SH3KBP1: variants seen among roughly 807,000 people sequenced by gnomAD.
SH3KBP1 encodes SH3 domain containing kinase binding protein 1.
In SH3KBP1, 8 loss-of-function variants were observed where a neutral mutation model predicts 50.1. The ratio of observed to expected loss-of-function variants is 0.16; its 90% CI spans 0.09 to 0.29. The LOEUF (loss-of-function observed/expected upper bound fraction) is 0.29. Ranked by LOEUF, SH3KBP1 falls within the 10% of genes least tolerant of loss-of-function variation. SH3KBP1 has a pLI of 1.00. For synonymous variants in SH3KBP1, 227 were observed against 218.6 expected, an observed-to-expected ratio of 1.04 and a Z score of -0.34; for missense variants, 377 against 535.2, an observed-to-expected ratio of 0.70 and a Z score of 2.92.
At chrX:19,745,657 T>C (rs971106207) in intron 3 of SH3KBP1, among the ~76,000 whole-genome samples, 9 of 111,929 alleles carry the variant, frequency 8.0e-5, no homozygotes, top group Non-Finnish European at 1.7e-4. Flanking sequence ...GGGACCCTAG[T>C]GTGCTCACAG....
At chrX:19,695,520 C>T in intron 5 of SH3KBP1, 92 bp downstream of exon 5, 2 of 1,072,070 alleles carry the variant, frequency 1.9e-6, no homozygotes, top group South Asian at 2.0e-5. Context: ...TTACTATAGC[C>T]TCTCGGCATA....
chrX:19,613,405 A>G, intron 8 of SH3KBP1, among the ~76,000 whole-genome samples: 1 of 112,216 alleles, frequency 8.9e-6, no homozygotes, highest in Non-Finnish European at 1.9e-5. Flanking sequence ...AGCAGCATGT[A>G]GATGACGCTT....
At chrX:19,587,213 A>G (rs2147965451) in intron 12 of SH3KBP1, among the ~76,000 whole-genome samples, 1 of 99,274 alleles carries the variant, frequency 1.0e-5, no homozygotes, top group East Asian at 3.1e-4. Context: ...CAAGAGCGAA[A>G]CTCTGCCTCA....
At chrX:19,790,703 C>T (rs1368246785) in intron 2 of SH3KBP1, among the ~76,000 whole-genome samples, 1 of 110,312 alleles carries the variant, frequency 9.1e-6, no homozygotes, top group African/African-American at 3.3e-5. Flanking sequence ...GAAAAGACGT[C>T]ATGGAAGAGA....
intron 6 of SH3KBP1, among the ~76,000 whole-genome samples, chrX:19,680,746 T>C (rs778056738): frequency 8.9e-6 from 1 of 112,332 alleles, no homozygotes; most frequent in East Asian, 2.8e-4. Context: ...AATAACATGA[T>C]AGATCCATAA....
At chrX:19,739,248 T>C (rs892343360) in intron 3 of SH3KBP1, among the ~76,000 whole-genome samples, 2 of 111,429 alleles carry the variant, frequency 1.8e-5, no homozygotes, top group Admixed American at 9.5e-5. Flanking sequence ...CTCAGTGACA[T>C]ACCAAGCGGG....
At chrX:19,818,923 T>C (rs1321865670) in intron 2 of SH3KBP1, among the ~76,000 whole-genome samples, 3 of 112,040 alleles carry the variant, frequency 2.7e-5, no homozygotes, top group Non-Finnish European at 5.6e-5. Flanking sequence ...AATACTGGCC[T>C]CATAAAATGA....
At chrX:19,570,276 CAGG>C (rs1328548390) in intron 12 of SH3KBP1, among the ~76,000 whole-genome samples, 1 of 111,853 alleles carries the variant, frequency 8.9e-6, no homozygotes, top group Non-Finnish European at 1.9e-5. Flanking sequence ...TGGGTCAGTG[CAGG>C]AGATCTGTGA....
chrX:19,570,814 G>A (rs2065983481), intron 12 of SH3KBP1, among the ~76,000 whole-genome samples: 1 of 111,489 alleles, frequency 9.0e-6, no homozygotes, highest in Admixed American at 9.5e-5. Flanking sequence ...AAATTAGCCA[G>A]GTGTGGTGGT....
intron 1 of SH3KBP1, among the ~76,000 whole-genome samples, chrX:19,853,729 A>G (rs1488444394): frequency 9.0e-6 from 1 of 110,966 alleles, no homozygotes; most frequent in Non-Finnish European, 1.9e-5. Context: ...TTGGGAGGCC[A>G]AGGCGGGCAG....
chrX:19,763,193 GA>G (rs1262837441), intron 2 of SH3KBP1, among the ~76,000 whole-genome samples: 1 of 111,694 alleles, frequency 9.0e-6, no homozygotes, highest in Non-Finnish European at 1.9e-5. Flanking sequence ...TCCCTAGAGT[GA>G]AATTTCTGGG....
At chrX:19,773,522 C>T (rs1391679911) in intron 2 of SH3KBP1, among the ~76,000 whole-genome samples, 1 of 107,001 alleles carries the variant, frequency 9.3e-6, no homozygotes, top group African/African-American at 3.5e-5. Flanking sequence ...CACACACACA[C>T]GTGCATGCAC....
chrX:19,542,173 G>C lies in SH3KBP1; in HGVS notation c.1644C>G (p.Ser548=), dbSNP rs2064934096. 8.5e-7 allele frequency: 1 copy of C among 1,182,849 alleles called. No homozygotes were observed. The highest frequency in any genetic ancestry group is 1.1e-6 in the Non-Finnish European group (1 of 880,465). The change falls in exon 16 of 18, where the codon TCC becomes TCG. Residue 548 remains serine (S), a synonymous_variant. Coordinates refer to ENST00000397821, the MANE Select transcript of SH3KBP1 (RefSeq NM_031892.3). ...TISQVSDNKA[S]LPPKPGTMAA... is the part of the protein sequence containing the mutation. Reference sequence around the variant, plus strand: ...CCATGGTCCCCGGCTTGGGCGGCAGGGATGCTTTGTTGTCAGACACCTGTG... The same window carrying C: ...CCATGGTCCCCGGCTTGGGCGGCAGCGATGCTTTGTTGTCAGACACCTGTG...
intron 2 of SH3KBP1, among the ~76,000 whole-genome samples, chrX:19,819,534 G>A (rs906883610): frequency 9.1e-5 from 10 of 110,177 alleles, no homozygotes; most frequent in Admixed American, 1.9e-4. Context: ...TTTGATTGGC[G>A]AGATAGTGTC....
rs1304662643 is a variant in SH3KBP1 at position 19,659,384 on chromosome X, G to A, written c.727-13909C>T. On this transcript the variant is annotated intron_variant, in intron 6 of 17. Coordinates refer to ENST00000397821, the MANE Select transcript of SH3KBP1 (RefSeq NM_031892.3). ...CCCGCCTTGGTCTCCCAAAGTGCTA[G>A]GATTACAAGCATGAGCCACTGTGCC... Among the ~76,000 whole-genome samples, 8 of 110,104 alleles carry A rather than the reference G, an allele frequency of 7.3e-5. No homozygotes were observed. The East Asian group carries it at 1.4e-3, about 20-fold the overall frequency.
At chrX:19,702,772 A>G (rs1046251640) in intron 4 of SH3KBP1, among the ~76,000 whole-genome samples, 2 of 112,237 alleles carry the variant, frequency 1.8e-5, no homozygotes, top group African/African-American at 6.5e-5. Context: ...TGTAAATCTC[A>G]TTCACACGCC....
Position 19,793,305 on chromosome X carries a change from GA to G in SH3KBP1, c.162+42819del, listed in dbSNP as rs1276369664. Among the ~76,000 whole-genome samples, 82 of 94,535 alleles carry G rather than the reference GA, an allele frequency of 8.7e-4. 1 individual carries two copies. The highest frequency in any genetic ancestry group is 5.1e-3 in the South Asian group (11 of 2,149). 82.1% of individuals were successfully genotyped at this position (94,535 alleles called of 115,157 possible). On this transcript the variant is annotated intron_variant, in intron 2 of 17. Coordinates refer to ENST00000397821, the MANE Select transcript of SH3KBP1 (RefSeq NM_031892.3). ...AGAGCAAGCAAGACATTGTCTCAAG[GA>G]AAAAAAAATATATATATATATATAT...
intron 9 of SH3KBP1, among the ~76,000 whole-genome samples, chrX:19,607,173 C>A (rs1054748255): frequency 8.9e-6 from 1 of 112,590 alleles, no homozygotes; most frequent in African/African-American, 3.2e-5. Context: ...TGGCTCAGCA[C>A]CGTCCAGTAA....
At chrX:19,537,666 C>G (rs757386213) in intron 17 of SH3KBP1, 51 bp downstream of exon 17, 1 of 1,036,898 alleles carries the variant, frequency 9.6e-7, no homozygotes, top group Non-Finnish European at 1.3e-6. Flanking sequence ...TCACAATGTC[C>G]TGCCCCACTG....
Sources: gnomAD v4.1 joint callset for allele counts (sites outside exome capture counted in the v4.1 genomes callset) on GRCh38, gnomAD v4.1.1 for gene constraint, MANE v1.5 for transcripts, NCBI Gene and HGNC (gene_info 2026-07-23, HGNC 2026-07-21) for gene names.